Variants in HDAC8 observed in about 807,000 individuals in gnomAD.
The protein encoded by HDAC8 is histone deacetylase-like 1.
In HDAC8, 1 loss-of-function variant was observed where a neutral mutation model predicts 32.2. The ratio of observed to expected loss-of-function variants is 0.03; its 90% CI spans 0.01 to 0.15. HDAC8 has a LOEUF of 0.15. Ranked by LOEUF, HDAC8 falls within the 10% of genes least tolerant of loss-of-function variation. The pLI is 1.00. For missense variants in HDAC8, 117 were observed against 300.0 expected, an observed-to-expected ratio of 0.39 and a Z score of 4.51; for synonymous variants, 108 against 113.9, an observed-to-expected ratio of 0.95 and a Z score of 0.33.
At chrX:72,347,839 C>T (rs1037027743) in intron 10 of HDAC8, among the ~76,000 whole-genome samples, 20 of 112,061 alleles carry the variant, frequency 1.8e-4, no homozygotes, top group African/African-American at 6.5e-4. Flanking sequence ...CTAACCTGTA[C>T]TTTCTTATGA....
intron 9 of HDAC8, among the ~76,000 whole-genome samples, chrX:72,358,996 G>A (rs781860589): frequency 7.2e-4 from 80 of 111,289 alleles, no homozygotes; most frequent in African/African-American, 2.3e-3. Flanking sequence ...TGTGTGTCCC[G>A]GTTCCTAACA....
chrX:72,491,113 C>T, intron 5 of HDAC8, 107 bp from the exon 6 acceptor site: 1 of 512,062 alleles, frequency 2.0e-6, no homozygotes, highest in Non-Finnish European at 3.4e-6. Flanking sequence ...GATGAGAAGG[C>T]AGCAATATAA....
At chrX:72,469,140 T>C (rs1335221923) in intron 7 of HDAC8, among the ~76,000 whole-genome samples, 1 of 83,422 alleles carries the variant, frequency 1.2e-5, no homozygotes, top group Non-Finnish European at 2.1e-5. Context: ...CTGTAACTCC[T>C]ATTCCCTAGT....
chrX:72,488,962 T>C lies in HDAC8; in HGVS notation c.708A>G (p.Gln236=). Residue 236 remains glutamine (Q), a synonymous_variant, in exon 7 of 11, where the codon CAA becomes CAG. Transcript: ENST00000373573. ...SVNVPIQDGI[Q]DEKYYQICES... Reference sequence around the variant, plus strand: ...CACAGATCTGGTAATATTTTTCATCTTGTATGCCATCCTGAATGGGCACAT... The same window carrying C: ...CACAGATCTGGTAATATTTTTCATCCTGTATGCCATCCTGAATGGGCACAT... 8.4e-7 allele frequency: 1 copy of C among 1,194,170 alleles called. No individual in the cohort carries two copies. Among genetic ancestry groups the C allele is most frequent in the East Asian group, 3.0e-5 (1 of 33,561 alleles).
chrX:72,385,913 T>G (rs2045413337), intron 9 of HDAC8, among the ~76,000 whole-genome samples: 1 of 112,021 alleles, frequency 8.9e-6, no homozygotes, highest in Non-Finnish European at 1.9e-5. Flanking sequence ...AGGTCCACAG[T>G]GTCTAGTAAA....
At position 72,488,914 on chromosome X, in the gene HDAC8, G is replaced by T; in HGVS notation, c.737+19C>A. The T allele has an allele frequency of 1.0e-6, 1 of 990,988 alleles. No homozygotes were observed. Among genetic ancestry groups the T allele is most frequent in the Non-Finnish European group, 1.4e-6 (1 of 710,593 alleles). The allele number at this position is 990,988 out of a possible 1,213,427, so 81.7% of individuals were successfully genotyped here. A position where few individuals can be genotyped will look rare whatever the true frequency, so the allele number is the denominator to read the frequency against. On this transcript the variant is annotated intron_variant, in intron 7 of 10. Coordinates refer to ENST00000373573, the MANE Select transcript of HDAC8 (RefSeq NM_018486.3). ...CAGAACTGCAATCCACTTATTACTG[G>T]CTAGTGTTACTGCCATACCTTTCAC...
intron 10 of HDAC8, among the ~76,000 whole-genome samples, chrX:72,343,312 G>A (rs943690835): frequency 9.1e-6 from 1 of 109,724 alleles, no homozygotes; most frequent in Non-Finnish European, 1.9e-5. Flanking sequence ...TGGGACTACA[G>A]GTATATGTCA....
At chrX:72,343,469 G>A (rs782283306) in intron 10 of HDAC8, among the ~76,000 whole-genome samples, 3 of 109,923 alleles carry the variant, frequency 2.7e-5, no homozygotes, top group South Asian at 4.0e-4. Context: ...TACCATGCCC[G>A]GCCGAACTCA....
At chrX:72,500,138 T>G (rs1556015280) in intron 4 of HDAC8, among the ~76,000 whole-genome samples, 1 of 111,306 alleles carries the variant, frequency 9.0e-6, no homozygotes, top group African/African-American at 3.3e-5. Context: ...CAGTAATAAA[T>G]AGCTTTACCA....
intron 9 of HDAC8, among the ~76,000 whole-genome samples, chrX:72,375,007 CG>C (rs2045017190): frequency 9.1e-6 from 1 of 110,244 alleles, no homozygotes; most frequent in African/African-American, 3.3e-5. Flanking sequence ...TTTGTAGAGA[CG>C]GGGGTCCCAT....
chrX:72,347,028 G>C (rs1555947180), intron 10 of HDAC8, among the ~76,000 whole-genome samples: 1 of 111,306 alleles, frequency 9.0e-6, no homozygotes, highest in African/African-American at 3.3e-5. Flanking sequence ...GCCTGACTCT[G>C]AAGCTCCACT....
intron 8 of HDAC8, among the ~76,000 whole-genome samples, chrX:72,462,912 T>C (rs2047905036): frequency 8.9e-6 from 1 of 112,040 alleles, no homozygotes; most frequent in African/African-American, 3.2e-5. Flanking sequence ...GGTGACCATA[T>C]AAATTATCAT....
At chrX:72,504,631 C>T (rs1410868578) in intron 4 of HDAC8, among the ~76,000 whole-genome samples, 1 of 111,719 alleles carries the variant, frequency 9.0e-6, no homozygotes, top group African/African-American at 3.3e-5. Flanking sequence ...CATTGTATGG[C>T]TATTGTGAAT....
chrX:72,357,238 G>A (rs2044396507), intron 9 of HDAC8, among the ~76,000 whole-genome samples: 1 of 108,273 alleles, frequency 9.2e-6, no homozygotes. Flanking sequence ...GTGTACGTGT[G>A]TGAGAGGGGA....
chrX:72,543,014 G>T (rs889263816), intron 4 of HDAC8, among the ~76,000 whole-genome samples: 1 of 112,022 alleles, frequency 8.9e-6, no homozygotes, highest in Non-Finnish European at 1.9e-5. Flanking sequence ...GGAAAAGAGG[G>T]TTTAAGTTGT....
intron 9 of HDAC8, among the ~76,000 whole-genome samples, chrX:72,368,986 A>C (rs1256482695): frequency 1.8e-5 from 2 of 111,863 alleles, no homozygotes; most frequent in Admixed American, 1.9e-4. Context: ...AAGCTGCAAG[A>C]AGTCTGCTGG....
intron 9 of HDAC8, among the ~76,000 whole-genome samples, chrX:72,388,306 CTG>C (rs2045510422): frequency 9.1e-6 from 1 of 109,575 alleles, no homozygotes; most frequent in African/African-American, 3.3e-5. Context: ...GGGTGGAAGA[CTG>C]GAGGGATACC....
At position 72,571,920 on chromosome X, in the gene HDAC8, C is replaced by T. The variant is rs782790625; in HGVS notation, c.164+137G>A. ...CTTTCTTGGGATTACAGGCAGATTA[C>T]AAACACTGTGAATACTTTCACAGAA... is the stretch of plus-strand genomic sequence containing the variant. On this transcript the variant is annotated intron_variant, in intron 2 of 10. Coordinates refer to ENST00000373573, the MANE Select transcript of HDAC8 (RefSeq NM_018486.3). 36 of 526,709 alleles carry T rather than the reference C, an allele frequency of 6.8e-5. No homozygotes were observed. In the African/African-American group the frequency reaches 7.5e-4, roughly 11 times the overall value. 43.4% of individuals were successfully genotyped at this position (526,709 alleles called of 1,213,427 possible).
At chrX:72,504,348 C>T (rs1005168350) in intron 4 of HDAC8, among the ~76,000 whole-genome samples, 7 of 111,878 alleles carry the variant, frequency 6.3e-5, no homozygotes, top group Non-Finnish European at 9.4e-5. Context: ...CGCCTTCCAG[C>T]CTCTGACAAC....
Sources: allele counts gnomAD v4.1 joint callset (sites outside exome capture counted in the v4.1 genomes callset), GRCh38; gene constraint gnomAD v4.1.1; transcripts MANE v1.5; gene names NCBI Gene and HGNC (gene_info 2026-07-23, HGNC 2026-07-21).